Variants in MAD1L1 observed in about 807,000 individuals in gnomAD.
The protein encoded by MAD1L1 is mitotic spindle assembly checkpoint protein MAD1.
Under a neutral mutation model 96.9 loss-of-function variants are expected in MAD1L1, and 95 were observed. The ratio of observed to expected loss-of-function variants is 0.98; its 90% CI spans 0.83 to 1.16. The LOEUF (loss-of-function observed/expected upper bound fraction) is 1.16, where lower values mean the gene tolerates loss of function less well. Among genes scored for constraint, MAD1L1 ranks in the 50% most tolerant of loss-of-function variants. MAD1L1 has a pLI of 0.00. For synonymous variants in MAD1L1, 473 were observed against 396.6 expected, an observed-to-expected ratio of 1.19 and a Z score of -2.29; for missense variants, 1,007 against 954.4, an observed-to-expected ratio of 1.06 and a Z score of -0.73.
intron 16 of MAD1L1, among the ~76,000 whole-genome samples, chr7:1,946,597 C>A (rs1779239030): frequency 6.6e-6 from 1 of 152,264 alleles, no homozygotes; most frequent in South Asian, 2.1e-4. Context: ...CTTTCACTTG[C>A]AGAGCGAGCA....
At chr7:2,207,362 G>T (rs757767372) in intron 10 of MAD1L1, among the ~76,000 whole-genome samples, 1 of 152,162 alleles carries the variant, frequency 6.6e-6, no homozygotes, top group Non-Finnish European at 1.5e-5. Flanking sequence ...CTTCAGATAG[G>T]GTGGTTATCC....
chr7:1,837,736 C>T (rs532976056), intron 18 of MAD1L1, among the ~76,000 whole-genome samples: 2 of 152,204 alleles, frequency 1.3e-5, no homozygotes, highest in Non-Finnish European at 2.9e-5. Context: ...TGGATGAACC[C>T]GTGGTGACAG....
intron 10 of MAD1L1, among the ~76,000 whole-genome samples, chr7:2,179,835 G>A (rs1791112304): frequency 1.3e-5 from 2 of 152,050 alleles, no homozygotes; most frequent in South Asian, 4.1e-4. Flanking sequence ...GCTGGGCGTG[G>A]TGGCAGGCAC....
chr7:2,140,368 C>G (rs890148808), intron 11 of MAD1L1, among the ~76,000 whole-genome samples: 2 of 152,336 alleles, frequency 1.3e-5, no homozygotes, highest in Middle Eastern at 6.8e-3. Flanking sequence ...TGAAGGGTGC[C>G]GGTGCCACCC....
intron 18 of MAD1L1, among the ~76,000 whole-genome samples, chr7:1,885,043 C>T (rs764786659): frequency 9.9e-5 from 15 of 152,216 alleles, no homozygotes; most frequent in Non-Finnish European, 2.1e-4. Flanking sequence ...GAATGGTGAG[C>T]ACACTTCTCC....
At chr7:2,091,985 A>G (rs1043533839) in intron 11 of MAD1L1, among the ~76,000 whole-genome samples, 10 of 152,170 alleles carry the variant, frequency 6.6e-5, no homozygotes, top group African/African-American at 4.8e-5. Context: ...ACAATTTTCA[A>G]TTCCCGTGGT....
intron 12 of MAD1L1, among the ~76,000 whole-genome samples, chr7:2,064,957 G>C (rs908468082): frequency 6.6e-6 from 1 of 152,280 alleles, no homozygotes; most frequent in African/African-American, 2.4e-5. Flanking sequence ...AGGGAGGACA[G>C]AGGCTTCTCC....
chr7:2,225,690 GGGCTCCA>G, intron 3 of MAD1L1, 140 bp from the exon 4 acceptor site: 2 of 906,368 alleles, frequency 2.2e-6, no homozygotes, highest in Middle Eastern at 2.2e-4. Context: ...CCCAGCCACT[GGGCTCCA>G]GGCTGGGGAA....
rs935947108 is a variant in MAD1L1, at chr7:2,142,559, C to T, written c.1073+6593G>A. Among the ~76,000 whole-genome samples the T allele has an allele frequency of 5.3e-5, 8 of 152,204 alleles. No individual in the cohort carries two copies. The highest frequency in any genetic ancestry group is 1.4e-4 in the African/African-American group (6 of 41,452). On this transcript the variant is annotated intron_variant, in intron 11 of 18. Coordinates refer to ENST00000265854, the MANE Select transcript of MAD1L1 (RefSeq NM_001013836.2). The surrounding 1 kb of genome is among the most constrained non-coding windows in gnomAD (Gnocchi z 4.7). ...GCCACTGAGCCCACGGTGAAGGGCA[C>T]GGTGCCACCCAGAGCTCCTGGCGCG...
chr7:2,120,920 C>T (rs1787946855), intron 11 of MAD1L1, among the ~76,000 whole-genome samples: 1 of 152,208 alleles, frequency 6.6e-6, no homozygotes. Flanking sequence ...GGTCTTCACC[C>T]CTGCACCTGC....
At chr7:2,213,309 C>T (rs767874610) in intron 9 of MAD1L1, 36 bp from the exon 10 acceptor site, 49 of 1,589,570 alleles carry the variant, frequency 3.1e-5, no homozygotes, top group Non-Finnish European at 3.8e-5. Context: ...CCTGTCATCA[C>T]CTGCCACAGG....
chr7:2,068,725 C>T lies in MAD1L1; in HGVS notation c.1218+469G>A, dbSNP rs141447839. Among the ~76,000 whole-genome samples the T allele has an allele frequency of 2.5e-3, 380 of 152,380 alleles. 1 individual carries two copies. Among genetic ancestry groups the T allele is most frequent in the African/African-American group, 8.9e-3 (371 of 41,594 alleles). On this transcript the variant is annotated intron_variant, in intron 12 of 18. Transcript: ENST00000265854. ...TCACGGTGCCAGGCATCAGAACCCC[C>T]GCAGGCACTGAGGCTTAGAGTCGGG... is the stretch of plus-strand genomic sequence containing the variant.
At chr7:2,023,898 G>A (rs561756939) in intron 12 of MAD1L1, among the ~76,000 whole-genome samples, 6 of 152,062 alleles carry the variant, frequency 3.9e-5, no homozygotes, top group South Asian at 4.2e-4. Flanking sequence ...GCAGTGAGCC[G>A]AGATCACGCC....
intron 11 of MAD1L1, among the ~76,000 whole-genome samples, chr7:2,069,956 G>A (rs1327418955): frequency 6.6e-6 from 1 of 152,228 alleles, no homozygotes; most frequent in Admixed American, 6.5e-5. Context: ...CTCAGTCCCT[G>A]TGCTCGTTGC....
chr7:1,859,487 G>A (rs563355495), intron 18 of MAD1L1, among the ~76,000 whole-genome samples: 8 of 152,230 alleles, frequency 5.3e-5, no homozygotes, highest in South Asian at 2.1e-4. Flanking sequence ...AGGTGGCTGC[G>A]AGGCGGAGCG....
intron 18 of MAD1L1, among the ~76,000 whole-genome samples, chr7:1,865,909 G>C (rs552121816): frequency 6.6e-6 from 1 of 152,234 alleles, no homozygotes; most frequent in South Asian, 2.1e-4. Context: ...CTGGGCCCTC[G>C]GGGAAGCCCT....
intron 12 of MAD1L1, among the ~76,000 whole-genome samples, chr7:2,037,445 A>G (rs1330769338): frequency 1.3e-5 from 2 of 152,142 alleles, no homozygotes; most frequent in East Asian, 1.9e-4. Context: ...GCGAGGCACC[A>G]TGTTCCCAAC....
intron 12 of MAD1L1, among the ~76,000 whole-genome samples, chr7:2,019,574 A>AC (rs905171397): frequency 1.4e-4 from 21 of 152,164 alleles, no homozygotes; most frequent in Non-Finnish European, 2.8e-4. Flanking sequence ...TGGAGACAGC[A>AC]CCCGTCAATG....
intron 3 of MAD1L1, 34 bp from the exon 4 acceptor site, chr7:2,225,584 C>T: frequency 6.2e-7 from 1 of 1,607,180 alleles, no homozygotes; most frequent in South Asian, 1.1e-5. Flanking sequence ...AAACAGAATC[C>T]TCAGTGACGG....
Sources: allele counts gnomAD v4.1 joint callset (sites outside exome capture counted in the v4.1 genomes callset), GRCh38; gene constraint gnomAD v4.1.1; non-coding constraint Gnocchi (gnomAD v3.1); transcripts MANE v1.5; gene names NCBI Gene and HGNC (gene_info 2026-07-23, HGNC 2026-07-21).